CSTPP1: variants seen among roughly 807,000 people sequenced by gnomAD.
The protein encoded by CSTPP1 is UPF0705 protein C11orf49.
chr11:47,013,362 C>A, the CSTPP1 span, among the ~76,000 whole-genome samples: 1 of 151,956 alleles, frequency 6.6e-6, no homozygotes, highest in Non-Finnish European at 1.5e-5. Flanking sequence ...AGGTATTAAG[C>A]CCAGCATGCA....
At chr11:46,998,543 C>A in the CSTPP1 span, among the ~76,000 whole-genome samples, 4 of 152,064 alleles carry the variant, frequency 2.6e-5, no homozygotes, top group Non-Finnish European at 4.4e-5. Flanking sequence ...GAAAAGTAAA[C>A]CAGCTCCAGA....
At chr11:47,094,285 G>A in the CSTPP1 span, among the ~76,000 whole-genome samples, 2 of 152,222 alleles carry the variant, frequency 1.3e-5, no homozygotes, top group African/African-American at 4.8e-5. Flanking sequence ...AAAGGCAGAG[G>A]ATAGGATGGT....
chr11:46,990,039 G>A, the CSTPP1 span, among the ~76,000 whole-genome samples: 4 of 152,108 alleles, frequency 2.6e-5, no homozygotes, highest in Admixed American at 2.6e-4. Context: ...TCTTTATCCA[G>A]TTCACCTTGA....
the CSTPP1 span, among the ~76,000 whole-genome samples, chr11:46,960,751 C>G: frequency 6.6e-6 from 1 of 152,066 alleles, no homozygotes; most frequent in African/African-American, 2.4e-5. Flanking sequence ...ACTCAGGAGT[C>G]TGAGGCAGGA....
At chr11:47,075,615 G>T in the CSTPP1 span, among the ~76,000 whole-genome samples, 1 of 151,816 alleles carries the variant, frequency 6.6e-6, no homozygotes, top group Admixed American at 6.6e-5. Flanking sequence ...ATTGGAGGTG[G>T]GTTCAAGAAT....
At chr11:46,966,699 A>G in the CSTPP1 span, among the ~76,000 whole-genome samples, 1 of 152,164 alleles carries the variant, frequency 6.6e-6, no homozygotes, top group East Asian at 1.9e-4. Flanking sequence ...TTTTGCAGAA[A>G]TTTTTTATGC....
chr11:46,961,124 T>C, the CSTPP1 span, among the ~76,000 whole-genome samples: 2 of 152,236 alleles, frequency 1.3e-5, no homozygotes. Flanking sequence ...GGTAACTCTA[T>C]GTTTAACTTT....
the CSTPP1 span, among the ~76,000 whole-genome samples, chr11:46,988,894 A>T: frequency 6.6e-6 from 1 of 152,190 alleles, no homozygotes; most frequent in South Asian, 2.1e-4. Flanking sequence ...TTTTAAAGGA[A>T]TATTTCTAGA....
the CSTPP1 span, among the ~76,000 whole-genome samples, chr11:47,120,561 G>A: frequency 9.2e-5 from 14 of 152,278 alleles, no homozygotes; most frequent in East Asian, 5.8e-4. The surrounding 1 kb of genome is among the most constrained non-coding windows in gnomAD (Gnocchi z 4.2). Flanking sequence ...CAATGATGGG[G>A]TGGTGATGGG....
At chr11:47,143,437 G>T in the CSTPP1 span, among the ~76,000 whole-genome samples, 1 of 152,224 alleles carries the variant, frequency 6.6e-6, no homozygotes, top group Non-Finnish European at 1.5e-5. Flanking sequence ...GATGATGTGT[G>T]CGTAAAAGAA....
chr11:47,021,298 A>G, the CSTPP1 span, among the ~76,000 whole-genome samples: 22 of 151,602 alleles, frequency 1.5e-4, no homozygotes, highest in Non-Finnish European at 2.8e-4. Context: ...CTTGCCTCCC[A>G]TTTTTCCTGA....
the CSTPP1 span, among the ~76,000 whole-genome samples, chr11:47,035,697 G>T: frequency 5.9e-5 from 9 of 152,068 alleles, no homozygotes; most frequent in Non-Finnish European, 1.2e-4. Context: ...TAACAGATTT[G>T]TGTATATTTT....
At chr11:47,052,555 C>A in the CSTPP1 span, 1 of 1,603,290 alleles carries the variant, frequency 6.2e-7, no homozygotes, top group African/African-American at 1.3e-5. Flanking sequence ...TCCTTCCTTC[C>A]TTCCTTCCTT....
At chr11:47,161,809 GC>G in the CSTPP1 span, 1 of 1,405,512 alleles carries the variant, frequency 7.1e-7, no homozygotes, top group African/African-American at 1.4e-5. Flanking sequence ...CCAGCCAGTG[GC>G]CCCGGAAGGT....
chr11:46,959,354 T>A, the CSTPP1 span, among the ~76,000 whole-genome samples: 1 of 152,040 alleles, frequency 6.6e-6, no homozygotes, highest in Non-Finnish European at 1.5e-5. Context: ...ATATATAGAG[T>A]TTTATGTAAT....
At chr11:47,026,814 G>T in the CSTPP1 span, among the ~76,000 whole-genome samples, 1 of 152,122 alleles carries the variant, frequency 6.6e-6, no homozygotes, top group Non-Finnish European at 1.5e-5. Context: ...GGAGGCAGAG[G>T]TTGCAATAAG....
chr11:46,966,911 A>G, the CSTPP1 span, among the ~76,000 whole-genome samples: 3 of 152,280 alleles, frequency 2.0e-5, no homozygotes, highest in Admixed American at 2.0e-4. Context: ...CTGGAGGCTC[A>G]GAAGTCCAAG....
chr11:47,087,770 C>T, the CSTPP1 span, among the ~76,000 whole-genome samples: 126 of 152,130 alleles, frequency 8.3e-4, no homozygotes, highest in African/African-American at 2.7e-3. Context: ...TATAAATCTC[C>T]CCCAAAAAAC....
the CSTPP1 span, among the ~76,000 whole-genome samples, chr11:47,086,750 G>A: frequency 2.0e-5 from 3 of 152,122 alleles, no homozygotes; most frequent in Non-Finnish European, 4.4e-5. Flanking sequence ...TAGTCCTGAT[G>A]ATTAAATTAA....
Sources: gnomAD v4.1 joint callset for allele counts (sites outside exome capture counted in the v4.1 genomes callset) on GRCh38, gnomAD v4.1.1 for gene constraint, Gnocchi (gnomAD v3.1) non-coding constraint, MANE v1.5 for transcripts, NCBI Gene and HGNC (gene_info 2026-07-23, HGNC 2026-07-21) for gene names.